Variants in ANP32A observed in about 807,000 individuals in gnomAD.
ANP32A encodes the protein acidic leucine-rich nuclear phosphoprotein 32 family member A.
A neutral mutation model predicts 33.9 loss-of-function variants in ANP32A; 1 was observed. That is an observed-to-expected ratio of 0.03 (90% CI 0.01 to 0.14). The LOEUF (loss-of-function observed/expected upper bound fraction) is 0.14, where lower values mean the gene tolerates loss of function less well. Ranked by LOEUF, ANP32A falls within the 10% of genes least tolerant of loss-of-function variation. The pLI is 1.00. For synonymous variants in ANP32A, 115 were observed against 120.5 expected, an observed-to-expected ratio of 0.95 and a Z score of 0.30; for missense variants, 155 against 306.0, an observed-to-expected ratio of 0.51 and a Z score of 3.68.
chr15:68,818,229 C>A (rs904944068), intron 1 of ANP32A: 30 of 246,984 alleles, frequency 1.2e-4, no homozygotes, highest in Admixed American at 9.0e-4. Context: ...GCGTGCGGCG[C>A]GAGCCCCGGG....
At chr15:68,816,863 T>C (rs2140376274) in intron 1 of ANP32A, among the ~76,000 whole-genome samples, 1 of 152,346 alleles carries the variant, frequency 6.6e-6, no homozygotes, top group Non-Finnish European at 1.5e-5. Flanking sequence ...CAACTGACTA[T>C]GACCACAGGG....
chr15:68,787,635 C>A, intron 2 of ANP32A, 100 bp from the exon 3 acceptor site: 1 of 1,596,884 alleles, frequency 6.3e-7, no homozygotes. Context: ...GAAGGGAAAG[C>A]AGTCTCAGGC....
At chr15:68,820,516 G>A (rs1004661523) in intron 1 of ANP32A, among the ~76,000 whole-genome samples, 182 bp downstream of exon 1, 2 of 151,946 alleles carry the variant, frequency 1.3e-5, no homozygotes, top group Non-Finnish European at 2.9e-5. Flanking sequence ...GGCGGCAGCC[G>A]GAACATGCTC....
chr15:68,805,015 G>A (rs990704982), intron 1 of ANP32A, among the ~76,000 whole-genome samples: 5 of 152,054 alleles, frequency 3.3e-5, no homozygotes, highest in Non-Finnish European at 7.4e-5. Flanking sequence ...GGAGAGGTGG[G>A]GTCTGCTGCT....
intron 2 of ANP32A, 76 bp downstream of exon 2, chr15:68,787,694 C>G: frequency 1.9e-6 from 3 of 1,600,234 alleles, no homozygotes; most frequent in Non-Finnish European, 2.6e-6. Context: ...TTCAATTACT[C>G]TTTCTAAACA....
intron 5 of ANP32A, 86 bp downstream of exon 5, chr15:68,782,870 G>A (rs1228773771): frequency 1.1e-5 from 16 of 1,521,986 alleles, no homozygotes; most frequent in African/African-American, 2.8e-5. Flanking sequence ...CCAGGGCTCC[G>A]GGGCTGCCAA....
chr15:68,787,054 C>T (rs1374689827), intron 3 of ANP32A: 1 of 245,798 alleles, frequency 4.1e-6, no homozygotes, highest in African/African-American at 2.2e-5. Context: ...GATTGCTCCT[C>T]CCTTCCCAAA....
In ANP32A at chr15:68,780,259, C is replaced by T. The variant is rs775583343; in HGVS notation, c.689-117G>A. 4.1e-5 allele frequency: 64 copies of T among 1,560,232 alleles called. No individual in the cohort carries two copies. The Middle Eastern group carries it at 5.1e-4, about 12-fold the overall frequency. On this transcript the variant is annotated intron_variant, in intron 6 of 6. Transcript: ENST00000465139. The surrounding 1 kb of genome is among the most constrained non-coding windows in gnomAD (Gnocchi z 4.3). ...AGCAAGCTGTGCCATCCTTGGAAAC[C>T]GAGGCAAGACATCTGCACAGCTGGA...
chr15:68,780,008 G>T lies in ANP32A; in HGVS notation c.*73C>A. On this transcript the variant is annotated 3_prime_UTR_variant, in exon 7 of 7. Transcript: ENST00000465139. The surrounding 1 kb of genome is among the most constrained non-coding windows in gnomAD (Gnocchi z 4.3). ...ATAAGTTTCAGGGGGCAGGATTGGA[G>T]GGGGGGGGGAGAGGGGATATGGGTA... 1 of 659,056 alleles carries T rather than the reference G, an allele frequency of 1.5e-6. No individual in the cohort carries two copies. The highest frequency in any genetic ancestry group is 5.0e-5 in the East Asian group (1 of 20,034). The allele number at this position is 659,056 out of a possible 1,614,324, so 40.8% of individuals were successfully genotyped here.
intron 3 of ANP32A, among the ~76,000 whole-genome samples, chr15:68,785,681 A>G (rs1214188996): frequency 1.3e-5 from 2 of 152,136 alleles, no homozygotes; most frequent in Admixed American, 6.5e-5. Context: ...AAGGCAACAC[A>G]CACTGACAAG....
At chr15:68,820,245 A>G (rs1456951365) in intron 1 of ANP32A, among the ~76,000 whole-genome samples, 1 of 152,156 alleles carries the variant, frequency 6.6e-6, no homozygotes, top group Non-Finnish European at 1.5e-5. Context: ...AAGGGGGGAT[A>G]CATTTATAAA....
At chr15:68,782,200 C>G (rs1893877836) in intron 5 of ANP32A, among the ~76,000 whole-genome samples, 1 of 152,210 alleles carries the variant, frequency 6.6e-6, no homozygotes, top group African/African-American at 2.4e-5. Flanking sequence ...AAACACAAAA[C>G]CCAACACAGT....
intron 4 of ANP32A, among the ~76,000 whole-genome samples, chr15:68,783,311 C>A (rs1476302179): frequency 6.6e-6 from 1 of 152,156 alleles, no homozygotes; most frequent in East Asian, 1.9e-4. Context: ...CCTCTCACAC[C>A]GAGACCACCA....
At chr15:68,806,186 G>A (rs149313200) in intron 1 of ANP32A, among the ~76,000 whole-genome samples, 2 of 152,294 alleles carry the variant, frequency 1.3e-5, no homozygotes, top group East Asian at 3.9e-4. Flanking sequence ...ATTTGTGGCA[G>A]TAATAAGCCT....
chr15:68,779,973 T>A lies in ANP32A; in HGVS notation c.*108A>T. The stretch of plus-strand genomic sequence containing the variant: ...TCTCGTTCCCACAGCAACGTTACAA[T>A]CAGAAAAAAATAAGTTTCAGGGGGC... On this transcript the variant is annotated 3_prime_UTR_variant, in exon 7 of 7. Transcript: ENST00000465139. 2 of 773,606 alleles carry A rather than the reference T, an allele frequency of 2.6e-6. No individual in the cohort carries two copies. The highest frequency in any genetic ancestry group is 2.0e-5 in the African/African-American group (1 of 49,468). 47.9% of individuals were successfully genotyped at this position (773,606 alleles called of 1,614,324 possible).
chr15:68,780,706 CATTT>C lies in ANP32A; in HGVS notation c.625-237_625-234del. 1 of 588,892 alleles carries C rather than the reference CATTT, an allele frequency of 1.7e-6. No homozygotes were observed. The highest frequency in any genetic ancestry group is 2.7e-6 in the Non-Finnish European group (1 of 368,248). 36.5% of individuals were successfully genotyped at this position (588,892 alleles called of 1,614,324 possible). ...CTCCTTCTCCAGAAAATGTCCGTATCATTTATAATATTTGCAAGCAGTTTCAGGG... is the reference window on the plus strand; with the variant it reads ...CTCCTTCTCCAGAAAATGTCCGTATCATAATATTTGCAAGCAGTTTCAGGG... On this transcript the variant is annotated intron_variant, in intron 5 of 6. Transcript: ENST00000465139. This position sits in a 1 kb window ranked among gnomAD's most constrained non-coding sequence, Gnocchi z 4.3.
chr15:68,816,285 T>A (rs533447629), intron 1 of ANP32A, among the ~76,000 whole-genome samples: 1 of 152,218 alleles, frequency 6.6e-6, no homozygotes, highest in Non-Finnish European at 1.5e-5. Context: ...AAGGAGGCAG[T>A]AGAGTGTAGA....
intron 1 of ANP32A, 21 bp downstream of exon 1, chr15:68,820,677 A>G (rs751546426): frequency 6.4e-7 from 1 of 1,564,970 alleles, no homozygotes; most frequent in Admixed American, 1.7e-5. Context: ...ACCGACAGAG[A>G]TATTTTTGGC....
intron 1 of ANP32A, among the ~76,000 whole-genome samples, chr15:68,817,111 T>C (rs985267828): frequency 6.6e-6 from 1 of 152,246 alleles, no homozygotes. Flanking sequence ...CCAGCACCTA[T>C]ATCGGCTTTT....
Sources: gnomAD v4.1 joint callset for allele counts (sites outside exome capture counted in the v4.1 genomes callset) on GRCh38, gnomAD v4.1.1 for gene constraint, Gnocchi (gnomAD v3.1) non-coding constraint, MANE v1.5 for transcripts, NCBI Gene and HGNC (gene_info 2026-07-23, HGNC 2026-07-21) for gene names.